Variants in USP46 observed in about 807,000 individuals in gnomAD.
USP46 encodes ubiquitin carboxyl-terminal hydrolase 46.
USP46 carries 12 observed loss-of-function variants against 44.4 expected under a neutral mutation model. The ratio of observed to expected loss-of-function variants is 0.27; its 90% CI spans 0.17 to 0.44. The LOEUF is 0.44. Ranked by LOEUF, USP46 falls within the 20% of genes least tolerant of loss-of-function variation. USP46 has a pLI of 1.00. For missense variants in USP46, 248 were observed against 444.8 expected (o/e 0.56, Z 3.98); for synonymous variants, 155 against 161.5 (o/e 0.96, Z 0.31).
intron 4 of USP46, among the ~76,000 whole-genome samples, chr4:52,617,224 A>G (rs1033046608): frequency 3.9e-5 from 6 of 152,232 alleles, no homozygotes; most frequent in African/African-American, 1.4e-4. Flanking sequence ...ATTTTTAAAA[A>G]TAATCCACAG....
chr4:52,632,986 A>AAGAAAGG (rs1717951229), intron 1 of USP46, among the ~76,000 whole-genome samples: 2 of 26,134 alleles, frequency 7.7e-5, no homozygotes, highest in Admixed American at 7.5e-4. Flanking sequence ...GAAAGAAAGA[A>AAGAAAGG]AAGAAAAGAA....
At chr4:52,658,787 C>T (rs1470020600) in intron 1 of USP46, among the ~76,000 whole-genome samples, 1 of 152,126 alleles carries the variant, frequency 6.6e-6, no homozygotes, top group African/African-American at 2.4e-5. Flanking sequence ...CCCCCACCCC[C>T]TCCCCGGGGA....
At chr4:52,648,960 T>C (rs1204565862) in intron 1 of USP46, among the ~76,000 whole-genome samples, 2 of 152,344 alleles carry the variant, frequency 1.3e-5, no homozygotes, top group Admixed American at 1.3e-4. Context: ...TTTCCTGTTG[T>C]CCTGTCATCC....
At chr4:52,628,355 G>A (rs1317811334) in intron 2 of USP46, 192 bp from the exon 3 acceptor site, 2 of 563,152 alleles carry the variant, frequency 3.6e-6, no homozygotes, top group East Asian at 5.6e-5. Flanking sequence ...ACAGAGAAAT[G>A]AAGAAAAATG....
intron 1 of USP46, among the ~76,000 whole-genome samples, chr4:52,653,281 G>A (rs1330647006): frequency 2.0e-5 from 3 of 151,898 alleles, no homozygotes; most frequent in East Asian, 3.9e-4. Flanking sequence ...TGAGGCGGGC[G>A]GATCACCTGA....
chr4:52,641,204 G>A (rs1383036169), intron 1 of USP46, among the ~76,000 whole-genome samples: 1 of 152,140 alleles, frequency 6.6e-6, no homozygotes, highest in Non-Finnish European at 1.5e-5. Flanking sequence ...ACCAGATGGT[G>A]AACAAAGTAC....
intron 5 of USP46, 54 bp from the exon 6 acceptor site, chr4:52,604,638 CTA>C: frequency 7.9e-7 from 1 of 1,266,466 alleles, no homozygotes; most frequent in South Asian, 1.4e-5. Flanking sequence ...ACTTGGTATA[CTA>C]TGTTTTAAAT....
intron 1 of USP46, chr4:52,656,652 C>T: frequency 1.0e-6 from 1 of 991,534 alleles, no homozygotes; most frequent in East Asian, 5.8e-5. Flanking sequence ...AGGCCCTGTG[C>T]CCGAGTAATA....
At chr4:52,652,869 T>C (rs1359711338) in intron 1 of USP46, among the ~76,000 whole-genome samples, 4 of 152,224 alleles carry the variant, frequency 2.6e-5, no homozygotes, top group African/African-American at 9.6e-5. Context: ...ATTCACTCTA[T>C]TATTCCACAT....
chr4:52,628,068 C>T lies in USP46; in HGVS notation c.213G>A (p.Lys71=). 6.2e-7 allele frequency: 1 copy of T among 1,613,988 alleles called. No homozygotes were observed. Among genetic ancestry groups the T allele is most frequent in the Non-Finnish European group, 8.5e-7 (1 of 1,179,878 alleles). ...GGCACGTCAGCAAGTTTTCCTTCTT[C>T]TTTTGCTGGGCCTTGTATGCCAACA... is the stretch of plus-strand genomic sequence containing the variant. ...ENVLAYKAQQ[K]KKENLLTCLA... The change falls in exon 3 of 9, where the codon AAG becomes AAA. Residue 71 remains lysine (K), a synonymous_variant. Coordinates refer to ENST00000441222, the MANE Select transcript of USP46 (RefSeq NM_022832.4).
intron 1 of USP46, among the ~76,000 whole-genome samples, chr4:52,631,663 G>C (rs1717832040): frequency 6.6e-6 from 1 of 152,182 alleles, no homozygotes; most frequent in Non-Finnish European, 1.5e-5. Flanking sequence ...CATTTTAGCA[G>C]ATGAAGACAG....
Position 52,632,912 on chromosome 4 carries a change from AAGAAAG to A in USP46, c.37-1774_37-1769del, listed in dbSNP as rs1458929997. On this transcript the variant is annotated intron_variant, in intron 1 of 8. Transcript: ENST00000441222. The stretch of plus-strand genomic sequence containing the variant: ...GAAGGAAGGAAGGGAAAGAGAAAGA[AAGAAAG>A]AGAAAGAAAGAAAGAAAGAAAGAAA... Among the ~76,000 whole-genome samples the A allele has an allele frequency of 1.1e-3, 130 of 113,166 alleles. 2 individuals are homozygous for A. The highest frequency in any genetic ancestry group is 3.3e-3 in the African/African-American group (84 of 25,192). The allele number at this position is 113,166 out of a possible 152,430, so 74.2% of individuals were successfully genotyped here.
Position 52,597,522 on chromosome 4 carries a change from T to C in USP46, c.*118A>G, listed in dbSNP as rs1037457229. 3.3e-5 allele frequency: 23 copies of C among 694,262 alleles called. No individual in the cohort carries two copies. The highest frequency in any genetic ancestry group is 1.1e-4 in the East Asian group (4 of 35,980). The allele number at this position is 694,262 out of a possible 1,614,324, so 43.0% of individuals were successfully genotyped here. On this transcript the variant is annotated 3_prime_UTR_variant, in exon 9 of 9. Transcript: ENST00000441222. ...GAGAGAGTCTAACACAGCCAGACCA[T>C]TGAGACTCGGAGTGATACCATTAGT...
intron 1 of USP46, among the ~76,000 whole-genome samples, chr4:52,636,306 C>T (rs1404651101): frequency 6.6e-6 from 1 of 152,156 alleles, no homozygotes; most frequent in Non-Finnish European, 1.5e-5. Flanking sequence ...GGTCTCCTTA[C>T]AGCCTCCCAG....
At chr4:52,632,975 A>AGAAAGAAAGAAAGAAAGAAAGAAG in intron 1 of USP46, among the ~76,000 whole-genome samples, 1 of 81,810 alleles carries the variant, frequency 1.2e-5, no homozygotes, top group Non-Finnish European at 2.3e-5. Flanking sequence ...AAAGAAAGAA[A>AGAAAGAAAGAAAGAAAGAAAGAAG]GAAAGAAAGA....
chr4:52,635,274 G>A (rs989427488), intron 1 of USP46, among the ~76,000 whole-genome samples: 3 of 152,016 alleles, frequency 2.0e-5, no homozygotes, highest in Admixed American at 6.6e-5. Flanking sequence ...TTGGCCATAC[G>A]ATCTGGCAAG....
chr4:52,604,011 G>A (rs1001544554), intron 6 of USP46, among the ~76,000 whole-genome samples: 1 of 152,072 alleles, frequency 6.6e-6, no homozygotes, highest in African/African-American at 2.4e-5. Flanking sequence ...TATAACTGAT[G>A]TGTTAATAAT....
chr4:52,596,392 C>G lies in USP46; in HGVS notation c.*1248G>C, dbSNP rs1463801120. 6.6e-6 allele frequency: 1 copy of G among 152,406 alleles called. No homozygotes were observed. Among genetic ancestry groups the G allele is most frequent in the Non-Finnish European group, 1.5e-5 (1 of 68,024 alleles). 9.4% of individuals were successfully genotyped at this position (152,406 alleles called of 1,614,324 possible). A position where few individuals can be genotyped will look rare whatever the true frequency, so the allele number is the denominator to read the frequency against. On this transcript the variant is annotated 3_prime_UTR_variant, in exon 9 of 9. Coordinates refer to ENST00000441222, the MANE Select transcript of USP46 (RefSeq NM_022832.4). ...TTAAAGGTACCAATATTCAAATGCTCTAATAAATACATATATAACAAAAGT... is the reference window on the plus strand; with the variant it reads ...TTAAAGGTACCAATATTCAAATGCTGTAATAAATACATATATAACAAAAGT...
At chr4:52,598,578 G>C (rs750380409) in intron 8 of USP46, 50 bp downstream of exon 8, 1 of 1,526,714 alleles carries the variant, frequency 6.6e-7, no homozygotes, top group Non-Finnish European at 9.0e-7. Flanking sequence ...CACATTCTCC[G>C]AAATACTACT....
Sources: gnomAD v4.1 joint callset for allele counts (sites outside exome capture counted in the v4.1 genomes callset) on GRCh38, gnomAD v4.1.1 for gene constraint, MANE v1.5 for transcripts, NCBI Gene and HGNC (gene_info 2026-07-23, HGNC 2026-07-21) for gene names.